CNTNAP2: variants seen among roughly 807,000 people sequenced by gnomAD.
CNTNAP2 encodes contactin-associated protein-like 2.
A neutral mutation model predicts 155.2 loss-of-function variants in CNTNAP2; 98 were observed. The observed-to-expected ratio is 0.63, with a 90% CI of 0.54 to 0.75. The LOEUF (loss-of-function observed/expected upper bound fraction) is 0.75, where lower values mean the gene tolerates loss of function less well. Ranked by LOEUF, CNTNAP2 falls within the 30% of genes least tolerant of loss-of-function variation. The pLI is 0.00. For missense variants in CNTNAP2, 1,727 were observed against 1,688.1 expected, an observed-to-expected ratio of 1.02 and a Z score of -0.40; for synonymous variants, 651 against 631.2, an observed-to-expected ratio of 1.03 and a Z score of -0.47.
chr7:147,598,295 A>G (rs765784247), intron 12 of CNTNAP2, among the ~76,000 whole-genome samples: 5 of 151,776 alleles, frequency 3.3e-5, no homozygotes, highest in Non-Finnish European at 5.9e-5. Flanking sequence ...TAAATCCCGC[A>G]TGTATTAGGT....
chr7:147,993,293 C>G (rs553306105), intron 15 of CNTNAP2, among the ~76,000 whole-genome samples: 1 of 152,238 alleles, frequency 6.6e-6, no homozygotes, highest in South Asian at 2.1e-4. Flanking sequence ...ACATTAGAGC[C>G]AAGAAGATAC....
chr7:146,372,621 G>A (rs1350263578), intron 1 of CNTNAP2, among the ~76,000 whole-genome samples: 1 of 152,054 alleles, frequency 6.6e-6, no homozygotes, highest in Admixed American at 6.6e-5. Flanking sequence ...GCGAGTAAGA[G>A]GCGAGTAAGA....
At chr7:148,372,600 C>T (rs147533355) in intron 21 of CNTNAP2, among the ~76,000 whole-genome samples, 2,450 of 151,986 alleles carry the variant, frequency 0.016, 82 homozygotes, top group African/African-American at 0.055. Flanking sequence ...CCCAGCTACT[C>T]GGGAGGCTGA....
At chr7:147,566,030 C>T (rs1315789124) in intron 12 of CNTNAP2, among the ~76,000 whole-genome samples, 1 of 150,914 alleles carries the variant, frequency 6.6e-6, no homozygotes, top group East Asian at 2.0e-4. Flanking sequence ...CCTGTAATCC[C>T]AGCACTTTGG....
intron 1 of CNTNAP2, among the ~76,000 whole-genome samples, chr7:146,704,351 T>G (rs961737001): frequency 5.3e-5 from 8 of 152,080 alleles, no homozygotes; most frequent in African/African-American, 1.7e-4. Flanking sequence ...AGAGAAAGTT[T>G]TAGTTAGTAT....
intron 4 of CNTNAP2, among the ~76,000 whole-genome samples, chr7:147,061,435 GTTTTAA>G (rs1799668306): frequency 6.6e-6 from 1 of 152,202 alleles, no homozygotes; most frequent in Admixed American, 6.5e-5. Context: ...TTATTTATCA[GTTTTAA>G]TTTTAAGCTT....
At chr7:148,126,759 G>A (rs1049714567) in intron 16 of CNTNAP2, among the ~76,000 whole-genome samples, 16 of 152,160 alleles carry the variant, frequency 1.1e-4, no homozygotes, top group African/African-American at 2.6e-4. Flanking sequence ...GGGAGAGGAC[G>A]AGTCACAGGT....
At chr7:147,192,121 A>G (rs1802691327) in intron 8 of CNTNAP2, among the ~76,000 whole-genome samples, 1 of 152,260 alleles carries the variant, frequency 6.6e-6, no homozygotes, top group Non-Finnish European at 1.5e-5. Flanking sequence ...ATTGAAGTAA[A>G]ATAGTCATTT....
chr7:147,655,550 C>T (rs1347168438), intron 13 of CNTNAP2, among the ~76,000 whole-genome samples: 1 of 152,178 alleles, frequency 6.6e-6, no homozygotes, highest in Non-Finnish European at 1.5e-5. Flanking sequence ...TCTTGCCTAA[C>T]CAGGTGCATT....
intron 10 of CNTNAP2, among the ~76,000 whole-genome samples, chr7:147,480,782 A>C (rs1438667778): frequency 6.6e-6 from 1 of 152,132 alleles, no homozygotes; most frequent in Non-Finnish European, 1.5e-5. Context: ...CCCGCTGCAG[A>C]GAAGTGCGAT....
In CNTNAP2 at chr7:148,062,938, A is replaced by G. The variant is rs559975305; in HGVS notation, c.2384-55180A>G. Among the ~76,000 whole-genome samples, 7 of 152,228 alleles carry G rather than the reference A, an allele frequency of 4.6e-5. No individual in the cohort carries two copies. In the South Asian group the frequency reaches 1.5e-3, roughly 32 times the overall value. The stretch of plus-strand genomic sequence containing the variant: ...AAAAGGAGAACACCACAAATAATCA[A>G]TACAAGAAATGAAAATGGAGATAAT... On this transcript the variant is annotated intron_variant, in intron 15 of 23. Transcript: ENST00000361727.
intron 1 of CNTNAP2, among the ~76,000 whole-genome samples, chr7:146,495,220 G>A (rs912992904): frequency 2.6e-5 from 4 of 152,278 alleles, no homozygotes; most frequent in South Asian, 4.1e-4. Context: ...CTGGATCCAA[G>A]GGAGAGAACA....
At chr7:148,214,267 A>C (rs1238921350) in intron 18 of CNTNAP2, among the ~76,000 whole-genome samples, 2 of 152,234 alleles carry the variant, frequency 1.3e-5, no homozygotes, top group Non-Finnish European at 2.9e-5. Context: ...GGGTGCAGTC[A>C]GTGCTCAATA....
chr7:147,263,141 G>A (rs1172129359), intron 8 of CNTNAP2, among the ~76,000 whole-genome samples: 3 of 151,972 alleles, frequency 2.0e-5, no homozygotes, highest in Non-Finnish European at 4.4e-5. Context: ...TGGCCCAGGA[G>A]TTTAAGACCA....
chr7:148,257,537 A>T (rs1038113016), intron 20 of CNTNAP2, among the ~76,000 whole-genome samples: 1 of 152,142 alleles, frequency 6.6e-6, no homozygotes, highest in African/African-American at 2.4e-5. Context: ...GTGTCCTCTC[A>T]TCTGCACCCA....
At chr7:148,062,024 A>AGTGTGTGT (rs1386529973) in intron 15 of CNTNAP2, among the ~76,000 whole-genome samples, 1 of 136,660 alleles carries the variant, frequency 7.3e-6, no homozygotes, top group East Asian at 2.7e-4. Flanking sequence ...AGAGAGAGAG[A>AGTGTGTGT]GAGAGTGTGT....
intron 3 of CNTNAP2, among the ~76,000 whole-genome samples, chr7:147,035,077 A>G (rs925144652): frequency 2.0e-5 from 3 of 152,136 alleles, no homozygotes; most frequent in African/African-American, 7.2e-5. Flanking sequence ...TTTAATCAGT[A>G]GAGTCCTGAC....
chr7:147,445,543 T>G (rs1797719766), intron 10 of CNTNAP2, among the ~76,000 whole-genome samples: 1 of 152,228 alleles, frequency 6.6e-6, no homozygotes, highest in Non-Finnish European at 1.5e-5. Flanking sequence ...TAGCACTGTT[T>G]TGAGGATAAA....
chr7:147,586,358 A>T (rs112997649), intron 12 of CNTNAP2, among the ~76,000 whole-genome samples: 2 of 151,964 alleles, frequency 1.3e-5, no homozygotes, highest in Non-Finnish European at 2.9e-5. Context: ...AAAGGAGGGT[A>T]TAAGGAGGCT....
Sources: gnomAD v4.1 joint callset for allele counts (sites outside exome capture counted in the v4.1 genomes callset) on GRCh38, gnomAD v4.1.1 for gene constraint, MANE v1.5 for transcripts, NCBI Gene and HGNC (gene_info 2026-07-23, HGNC 2026-07-21) for gene names.